Variants in PCDHGA5 observed in about 807,000 individuals in gnomAD.
The protein encoded by PCDHGA5 is protocadherin gamma-A5.
Under a neutral mutation model 56.7 loss-of-function variants are expected in PCDHGA5, and 36 were observed. That is an observed-to-expected ratio of 0.64 (90% CI 0.49 to 0.84). PCDHGA5 has a LOEUF of 0.84. Among genes scored for constraint, PCDHGA5 ranks in the 40% least tolerant of loss-of-function variants. PCDHGA5 has a pLI of 0.00. For missense variants in PCDHGA5, 1,305 were observed against 1,201.5 expected (o/e 1.09, Z -1.27); for synonymous variants, 563 against 520.2 (o/e 1.08, Z -1.12).
intron 1 of PCDHGA5, chr5:141,410,459 A>C (rs2095396770): frequency 6.2e-7 from 1 of 1,613,864 alleles, no homozygotes; most frequent in Admixed American, 1.7e-5. Context: ...TTATTCTTAT[A>C]ATCTGTGCAT....
intron 1 of PCDHGA5, chr5:141,384,388 CA>C (rs1780036142): frequency 2.5e-6 from 4 of 1,613,934 alleles, no homozygotes; most frequent in Non-Finnish European, 3.4e-6. Flanking sequence ...AGACACCATC[CA>C]GGGGGCTCCA....
At chr5:141,488,042 G>T (rs2099670966) in intron 1 of PCDHGA5, among the ~76,000 whole-genome samples, 1 of 152,168 alleles carries the variant, frequency 6.6e-6, no homozygotes, top group Non-Finnish European at 1.5e-5. Context: ...TTTCCCAAGG[G>T]ATTGAGGGGA....
chr5:141,432,586 C>T lies in PCDHGA5; in HGVS notation c.2422-62221C>T. The T allele has an allele frequency of 1.9e-6, 3 of 1,613,852 alleles. No homozygotes were observed. Among genetic ancestry groups the T allele is most frequent in the Non-Finnish European group, 2.5e-6 (3 of 1,179,972 alleles). On this transcript the variant is annotated intron_variant, in intron 1 of 3. Transcript: ENST00000518069. The surrounding 1 kb of genome is among the most constrained non-coding windows in gnomAD (Gnocchi z 6.0). ...ACGCCTGGCTGTCCTACCGTCTGCT[C>T]AAGGCCAGCGAGCCGGGACTCTTCT...
At chr5:141,385,172 C>T (rs1013319688) in intron 1 of PCDHGA5, 1 of 1,614,092 alleles carries the variant, frequency 6.2e-7, no homozygotes, top group African/African-American at 1.3e-5. Flanking sequence ...CATGAGGTCT[C>T]CCTCACCGCG....
At chr5:141,374,811 C>A (rs1770858987) in intron 1 of PCDHGA5, 1 of 1,613,868 alleles carries the variant, frequency 6.2e-7, no homozygotes, top group Admixed American at 1.7e-5. Flanking sequence ...CCAATGTTTA[C>A]TCAGCCTGTC....
chr5:141,425,394 G>C (rs186813737), intron 1 of PCDHGA5, among the ~76,000 whole-genome samples: 2 of 152,184 alleles, frequency 1.3e-5, no homozygotes, highest in Non-Finnish European at 2.9e-5. Context: ...TAGTGATAAA[G>C]TTCTGTTAAG....
chr5:141,487,936 G>C lies in PCDHGA5; in HGVS notation c.2422-6871G>C. On this transcript the variant is annotated intron_variant, in intron 1 of 3. Coordinates refer to ENST00000518069, the MANE Select transcript of PCDHGA5 (RefSeq NM_018918.3). This position sits in a 1 kb window ranked among gnomAD's most constrained non-coding sequence, Gnocchi z 5.0. The stretch of plus-strand genomic sequence containing the variant: ...AGGAGGCTACAGTGCACAGGGTACA[G>C]TGCACCAGGCAGTCACTTGGACAAA... 4.9e-6 allele frequency: 3 copies of C among 607,906 alleles called. No homozygotes were observed. The highest frequency in any genetic ancestry group is 3.7e-5 in the African/African-American group (2 of 54,158). 37.7% of individuals were successfully genotyped at this position (607,906 alleles called of 1,614,324 possible). A position where few individuals can be genotyped will look rare whatever the true frequency, so the allele number is the denominator to read the frequency against.
intron 1 of PCDHGA5, chr5:141,402,966 C>G (rs749578447): frequency 6.8e-6 from 11 of 1,605,942 alleles, no homozygotes; most frequent in Non-Finnish European, 8.5e-6. Context: ...GCAGCTCCAA[C>G]CAAATGCCAG....
rs747286948 is a variant in PCDHGA5, at chr5:141,364,399, G to C, written c.69G>C (p.Leu23=). The change falls in exon 1 of 4, where the codon CTG becomes CTC. Residue 23 remains leucine, a synonymous_variant. Transcript: ENST00000518069. ...LLLPFMLLGT[L]CEPGSGQIRY... is the part of the protein sequence containing the mutation. ...TGCCCTTCATGCTCCTGGGGACGCT[G>C]TGCGAGCCAGGATCCGGGCAGATCC... is the stretch of plus-strand genomic sequence containing the variant. The C allele has an allele frequency of 1.2e-6, 2 of 1,607,328 alleles. No individual in the cohort carries two copies. The highest frequency in any genetic ancestry group is 1.7e-6 in the Non-Finnish European group (2 of 1,176,602).
intron 1 of PCDHGA5, chr5:141,413,678 T>G (rs201325660): frequency 5.6e-6 from 9 of 1,613,632 alleles, no homozygotes; most frequent in Non-Finnish European, 7.6e-6. Flanking sequence ...GATGTGGGCG[T>G]GAACTCCCTG....
Position 141,364,778 on chromosome 5 carries a change from A to T in PCDHGA5, c.448A>T (p.Thr150Ser). The T allele has an allele frequency of 1.2e-6, 2 of 1,614,006 alleles. No individual in the cohort carries two copies. The highest frequency in any genetic ancestry group is 1.7e-6 in the Non-Finnish European group (2 of 1,179,904). The change falls in exon 1 of 4, where the codon ACA (threonine) becomes TCA (serine). Residue 150 changes from threonine to serine, a missense_variant. Physicochemically the swap from Thr to Ser is moderately conservative, Grantham distance 58. Transcript: ENST00000518069. Reference protein sequence around the residue: ...VKVNENAAAGTRLVLPFARDA... With the variant: ...VKVNENAAAGSRLVLPFARDA... ...AGTTAATGAAAATGCGGCTGCAGGG[A>T]CACGGTTAGTGCTTCCCTTCGCGCG... is the stretch of plus-strand genomic sequence containing the variant.
At chr5:141,407,243 C>G (rs1191688729) in intron 1 of PCDHGA5, among the ~76,000 whole-genome samples, 1 of 152,168 alleles carries the variant, frequency 6.6e-6, no homozygotes, top group African/African-American at 2.4e-5. Context: ...AAGCATACTT[C>G]AGGCTCATAT....
At chr5:141,433,256 C>G (rs760130587) in intron 1 of PCDHGA5, 2 of 1,385,666 alleles carry the variant, frequency 1.4e-6, no homozygotes, top group Non-Finnish European at 2.0e-6. Context: ...TGCAGCGGTA[C>G]GATCATAGCT....
chr5:141,393,399 C>G, intron 1 of PCDHGA5: 1 of 1,614,028 alleles, frequency 6.2e-7, no homozygotes, highest in Non-Finnish European at 8.5e-7. Flanking sequence ...AGAGCTGGTG[C>G]TGGAGCGCGC....
chr5:141,476,476 C>A lies in PCDHGA5; in HGVS notation c.2422-18331C>A. On this transcript the variant is annotated intron_variant, in intron 1 of 3. Coordinates refer to ENST00000518069, the MANE Select transcript of PCDHGA5 (RefSeq NM_018918.3). The surrounding 1 kb of genome is among the most constrained non-coding windows in gnomAD (Gnocchi z 7.6). ...TGGAGAACCCGCTGGAGCTGTTCAG[C>A]GTGGAAGTGGTGATCCAGGACATCA... 6.2e-7 allele frequency: 1 copy of A among 1,613,986 alleles called. No individual in the cohort carries two copies. The highest frequency in any genetic ancestry group is 8.5e-7 in the Non-Finnish European group (1 of 1,179,992).
chr5:141,421,102 T>A (rs1420706532), intron 1 of PCDHGA5: 2 of 691,286 alleles, frequency 2.9e-6, no homozygotes, highest in Admixed American at 6.2e-5. Context: ...CACTGGAGAC[T>A]TAGAAGTATT....
In PCDHGA5 at chr5:141,430,383, GAA is replaced by G. The variant is rs139772145; in HGVS notation, c.2421+63644_2421+63645del. Among the ~76,000 whole-genome samples the G allele has an allele frequency of 1.3e-3, 180 of 138,574 alleles. 1 individual carries two copies. Among genetic ancestry groups the G allele is most frequent in the African/African-American group, 4.5e-3 (169 of 37,858 alleles). 90.9% of individuals were successfully genotyped at this position (138,574 alleles called of 152,430 possible). A position where few individuals can be genotyped will look rare whatever the true frequency, so the allele number is the denominator to read the frequency against. On this transcript the variant is annotated intron_variant, in intron 1 of 3. Coordinates refer to ENST00000518069, the MANE Select transcript of PCDHGA5 (RefSeq NM_018918.3). ...CATTGGGGAAAAAAAAGCTCATTGG[GAA>G]AAAAAAAAAAAGCTCACTAAAGTTT...
At chr5:141,394,790 G>T (rs776824024) in intron 1 of PCDHGA5, 1 of 1,613,718 alleles carries the variant, frequency 6.2e-7, no homozygotes, top group Non-Finnish European at 8.5e-7. Context: ...CCACTGTCAC[G>T]CTCACCGTAG....
intron 1 of PCDHGA5, chr5:141,374,487 A>C: frequency 6.2e-7 from 1 of 1,611,648 alleles, no homozygotes; most frequent in Non-Finnish European, 8.5e-7. Flanking sequence ...CGATTCTTAA[A>C]GGAAGAATTG....
Sources: gnomAD v4.1 joint callset for allele counts (sites outside exome capture counted in the v4.1 genomes callset) on GRCh38, gnomAD v4.1.1 for gene constraint, Gnocchi (gnomAD v3.1) non-coding constraint, MANE v1.5 for transcripts, NCBI Gene and HGNC (gene_info 2026-07-23, HGNC 2026-07-21) for gene names.